Variants in YY1AP1 observed in about 807,000 individuals in gnomAD.
YY1AP1 encodes YY1-associated protein 1.
A neutral mutation model predicts 39.9 loss-of-function variants in YY1AP1; 43 were observed. The ratio of observed to expected loss-of-function variants is 1.08; its 90% confidence interval spans 0.84 to 1.39. YY1AP1 has a LOEUF of 1.39. Among genes scored for constraint, YY1AP1 ranks in the 40% most tolerant of loss-of-function variants. The pLI is 0.00. For missense variants in YY1AP1, 813 were observed against 900.7 expected (o/e 0.90, Z 1.25); for synonymous variants, 292 against 331.3 (o/e 0.88, Z 1.29).
chr1:155,670,618 T>C, intron 7 of YY1AP1, 154 bp from the exon 8 acceptor site: 4 of 707,410 alleles, frequency 5.7e-6, no homozygotes, highest in Non-Finnish European at 9.3e-6. Context: ...TTCCACAGTC[T>C]TTCCTCAACT....
rs201953751 is a variant in YY1AP1 at position 155,688,323 on chromosome 1, G to A, written c.-151-122C>T. 45 of 1,548,834 alleles carry A rather than the reference G, an allele frequency of 2.9e-5. No homozygotes were observed. The highest frequency in any genetic ancestry group is 3.5e-5 in the Non-Finnish European group (40 of 1,145,758). On this transcript the variant is annotated intron_variant, in intron 1 of 10. Coordinates refer to ENST00000355499, the MANE Select transcript of YY1AP1 (RefSeq NM_139119.3). ...CCTCGCAAAGCGAACCCAAAATGGC[G>A]GCGGCAGCGGCGGCAGCAGAGTGGC...
intron 10 of YY1AP1, 86 bp from the exon 11 acceptor site, chr1:155,660,999 A>C (rs1249479236): frequency 1.1e-5 from 18 of 1,601,272 alleles, no homozygotes; most frequent in Non-Finnish European, 1.4e-5. Flanking sequence ...GACCTGAGAC[A>C]AGCTCAAGGC....
At chr1:155,686,575 C>CCATT (rs1344682261) in intron 2 of YY1AP1, among the ~76,000 whole-genome samples, 1 of 152,208 alleles carries the variant, frequency 6.6e-6, no homozygotes, top group South Asian at 2.1e-4. Flanking sequence ...AAGGCATGGA[C>CCATT]CATTCATTGA....
intron 2 of YY1AP1, among the ~76,000 whole-genome samples, chr1:155,682,471 TTC>T (rs1163186398): frequency 6.6e-6 from 1 of 152,116 alleles, no homozygotes; most frequent in Non-Finnish European, 1.5e-5. Flanking sequence ...GAGTTTTTGT[TTC>T]TGTTTTTTCG....
intron 2 of YY1AP1, among the ~76,000 whole-genome samples, chr1:155,682,606 CT>C (rs1651682785): frequency 6.6e-6 from 1 of 151,728 alleles, no homozygotes; most frequent in Admixed American, 6.6e-5. Flanking sequence ...GGTGATCCAC[CT>C]GCCTCAGCCT....
intron 7 of YY1AP1, chr1:155,670,677 T>A: frequency 4.0e-5 from 5 of 124,090 alleles, no homozygotes; most frequent in Admixed American, 1.2e-4. Context: ...AAAGTTGACT[T>A]TTTTTTTTTT....
At chr1:155,667,941 C>T (rs1476438790) in intron 9 of YY1AP1, among the ~76,000 whole-genome samples, 1 of 149,372 alleles carries the variant, frequency 6.7e-6, no homozygotes, top group Non-Finnish European at 1.5e-5. Flanking sequence ...CATACAGACA[C>T]AGACACACAC....
chr1:155,664,980 C>G (rs1213539008), intron 9 of YY1AP1, among the ~76,000 whole-genome samples: 1 of 151,808 alleles, frequency 6.6e-6, no homozygotes, highest in Non-Finnish European at 1.5e-5. Context: ...CCACATTAGC[C>G]AGGATGGTCT....
Position 155,676,534 on chromosome 1 carries a change from A to G in YY1AP1, c.324+14T>C. On this transcript the variant is annotated intron_variant, in intron 5 of 10. Transcript: ENST00000355499. The stretch of plus-strand genomic sequence containing the variant: ...GGTATAATTCAATATTAATATGACC[A>G]AGGAAAGTGTTACCTGCTGCATCTG... 1 of 1,614,010 alleles carries G rather than the reference A, an allele frequency of 6.2e-7. No individual in the cohort carries two copies. The highest frequency in any genetic ancestry group is 1.1e-5 in the South Asian group (1 of 91,086).
chr1:155,679,097 T>C, intron 4 of YY1AP1: 1 of 1,267,972 alleles, frequency 7.9e-7, no homozygotes, highest in African/African-American at 1.5e-5. Context: ...GATATTACAA[T>C]ATAGGGTAGT....
intron 9 of YY1AP1, among the ~76,000 whole-genome samples, chr1:155,667,206 A>G (rs1301580849): frequency 6.6e-6 from 1 of 152,026 alleles, no homozygotes; most frequent in East Asian, 1.9e-4. Context: ...CAAAAACACA[A>G]TGAAACCAAA....
chr1:155,684,796 G>C (rs1010485701), intron 2 of YY1AP1, among the ~76,000 whole-genome samples: 35 of 152,096 alleles, frequency 2.3e-4, no homozygotes, highest in Non-Finnish European at 2.8e-4. Context: ...GTGTTGCCCA[G>C]GCTGGTCTCG....
In YY1AP1 at chr1:155,668,768, A is replaced by G. The variant is rs562228408; in HGVS notation, c.738T>C (p.Ala246=). 1.2e-6 allele frequency: 2 copies of G among 1,614,168 alleles called. No individual in the cohort carries two copies. The highest frequency in any genetic ancestry group is 1.7e-5 in the Admixed American group (1 of 60,020). The change falls in exon 9 of 11, where the codon GCT becomes GCC. Residue 246 remains alanine (A), a synonymous_variant. Coordinates refer to ENST00000355499, the MANE Select transcript of YY1AP1 (RefSeq NM_139119.3). ...LFTKAEDNLL[A]LGLKHFEGTE... Reference sequence around the variant, plus strand: ...TCCCTTCAAAATGCTTCAGTCCTAAAGCTAACAAACTGAGAAAGGAGCAAT... The same window carrying G: ...TCCCTTCAAAATGCTTCAGTCCTAAGGCTAACAAACTGAGAAAGGAGCAAT...
chr1:155,671,425 C>G (rs1279568312), intron 7 of YY1AP1, among the ~76,000 whole-genome samples: 2 of 150,080 alleles, frequency 1.3e-5, no homozygotes, highest in African/African-American at 4.9e-5. Context: ...AGCGAGACTC[C>G]ATCTTAAAAA....
chr1:155,688,238 A>G, intron 1 of YY1AP1, 37 bp from the exon 2 acceptor site: 1 of 1,611,300 alleles, frequency 6.2e-7, no homozygotes, highest in Non-Finnish European at 8.5e-7. Flanking sequence ...GGAAAGGTGG[A>G]GGGCTAAAGG....
rs753071407 is a variant in YY1AP1 at position 155,660,876 on chromosome 1, A to G, written c.1034T>C (p.Met345Thr). ...TCCTACCTCTCTAGCACCATCAGCCATGTGCCGCAGTTCTTCCTGGATGGA... is the reference window on the plus strand; with the variant it reads ...TCCTACCTCTCTAGCACCATCAGCCGTGTGCCGCAGTTCTTCCTGGATGGA... The part of the protein sequence containing the change: ...LPSIQEELRH[M>T]ADGAREVGNM... The change falls in exon 11 of 11, where the codon ATG becomes ACG. Residue 345 changes from methionine to threonine, a missense_variant. Physicochemically the swap from Met to Thr is moderately conservative, Grantham distance 81. Transcript: ENST00000355499. 24 of 1,614,166 alleles carry G rather than the reference A, an allele frequency of 1.5e-5. No homozygotes were observed. The highest frequency in any genetic ancestry group is 2.0e-5 in the Non-Finnish European group (24 of 1,180,028).
At chr1:155,665,741 G>A (rs1015941418) in intron 9 of YY1AP1, among the ~76,000 whole-genome samples, 1 of 142,348 alleles carries the variant, frequency 7.0e-6, no homozygotes, top group Non-Finnish European at 1.5e-5. Context: ...AGGTTGCAGT[G>A]AGCCGAGATC....
rs1423283939 is a variant in YY1AP1 at position 155,660,005 on chromosome 1, G to C, written c.1905C>G (p.Ala635=). 66 of 1,614,016 alleles carry C rather than the reference G, an allele frequency of 4.1e-5. No individual in the cohort carries two copies. The highest frequency in any genetic ancestry group is 5.4e-5 in the Non-Finnish European group (64 of 1,180,062). The change falls in exon 11 of 11, where the codon GCC becomes GCG. Residue 635 remains alanine, a synonymous_variant. Transcript: ENST00000355499. ...CACAAGCAATGTCCACATTCATGTG[G>C]GCCTTATCTTCAGGGGTGGATGGTA... is the stretch of plus-strand genomic sequence containing the variant. ...LPIPSTPEDK[A]HMNVDIACAV... is the part of the protein sequence containing the mutation.
chr1:155,682,466 T>C (rs1651659090), intron 2 of YY1AP1, among the ~76,000 whole-genome samples: 1 of 152,094 alleles, frequency 6.6e-6, no homozygotes, highest in Non-Finnish European at 1.5e-5. Flanking sequence ...TGTCAGAGTT[T>C]TTGTTTCTGT....
Sources: gnomAD v4.1 joint callset for allele counts (sites outside exome capture counted in the v4.1 genomes callset) on GRCh38, gnomAD v4.1.1 for gene constraint, MANE v1.5 for transcripts, NCBI Gene and HGNC (gene_info 2026-07-23, HGNC 2026-07-21) for gene names.